Variants in MARCHF3 observed in about 807,000 individuals in gnomAD.
The protein encoded by MARCHF3 is membrane associated ring-CH-type finger 3, also known as E3 ubiquitin-protein ligase MARCHF3.
MARCHF3 carries 13 observed loss-of-function variants against 24.2 expected under a neutral mutation model. The observed-to-expected ratio is 0.54, with a 90% CI of 0.35 to 0.85. The LOEUF is 0.85. Ranked by LOEUF, MARCHF3 falls within the 40% of genes least tolerant of loss-of-function variation. The pLI is 0.01. For missense variants in MARCHF3, 276 were observed against 325.0 expected (o/e 0.85, Z 1.16); for synonymous variants, 144 against 137.3 (o/e 1.05, Z -0.34).
At chr5:126,921,659 A>C (rs1007647287) in intron 1 of MARCHF3, among the ~76,000 whole-genome samples, 9 of 152,240 alleles carry the variant, frequency 5.9e-5, no homozygotes, top group Non-Finnish European at 1.3e-4. Flanking sequence ...ATGCCAGTGC[A>C]CTGCTCTTGT....
intron 1 of MARCHF3, among the ~76,000 whole-genome samples, chr5:127,008,779 T>C (rs1226699820): frequency 6.6e-6 from 1 of 152,202 alleles, no homozygotes; most frequent in Non-Finnish European, 1.5e-5. Context: ...CCAAGTCATA[T>C]GGCAGGCAAC....
At chr5:126,960,213 A>G (rs768493298) in intron 1 of MARCHF3, among the ~76,000 whole-genome samples, 14 of 152,156 alleles carry the variant, frequency 9.2e-5, no homozygotes, top group Non-Finnish European at 1.3e-4. Flanking sequence ...CCATAAACTA[A>G]AAGTTGGCAT....
chr5:126,933,112 CAGGGACATACTAAAG>C (rs1235302124), intron 1 of MARCHF3, among the ~76,000 whole-genome samples: 1 of 152,150 alleles, frequency 6.6e-6, no homozygotes, highest in Admixed American at 6.5e-5. Flanking sequence ...TAAAACAAAA[CAGGGACATACTAAAG>C]TGGAAATTTA....
At chr5:126,997,307 C>G (rs1751980574) in intron 1 of MARCHF3, among the ~76,000 whole-genome samples, 1 of 151,998 alleles carries the variant, frequency 6.6e-6, no homozygotes, top group Non-Finnish European at 1.5e-5. Context: ...CATGGGAAAG[C>G]CAGGTAGTCA....
chr5:126,914,455 G>C lies in MARCHF3; in HGVS notation c.393+475C>G, dbSNP rs868226264. Among the ~76,000 whole-genome samples the C allele has an allele frequency of 2.0e-5, 3 of 152,036 alleles. No individual in the cohort carries two copies. In the South Asian group the frequency reaches 6.2e-4, roughly 32 times the overall value. On this transcript the variant is annotated intron_variant, in intron 3 of 4. Transcript: ENST00000308660. The stretch of plus-strand genomic sequence containing the variant: ...CAAAAGGTAAAGTAACAAACCCGAG[G>C]TCACAGAACCCAGGACATCTGGGTC...
At chr5:127,028,347 A>G (rs1458169916) in intron 1 of MARCHF3, among the ~76,000 whole-genome samples, 1 of 152,076 alleles carries the variant, frequency 6.6e-6, no homozygotes, top group African/African-American at 2.4e-5. Context: ...AAGCTATTAT[A>G]CTCCTCCCAT....
chr5:126,921,911 G>C (rs1319279920), intron 1 of MARCHF3, among the ~76,000 whole-genome samples: 1 of 152,108 alleles, frequency 6.6e-6, no homozygotes, highest in Non-Finnish European at 1.5e-5. Context: ...AGAGGGGGTG[G>C]GCAAATAAAT....
intron 1 of MARCHF3, among the ~76,000 whole-genome samples, chr5:127,003,052 C>T (rs1212235361): frequency 6.6e-6 from 1 of 151,866 alleles, no homozygotes; most frequent in Non-Finnish European, 1.5e-5. Context: ...TGTCATTTAT[C>T]TCATTAGCCC....
chr5:126,957,779 T>G (rs1750498791), intron 1 of MARCHF3, among the ~76,000 whole-genome samples: 1 of 152,134 alleles, frequency 6.6e-6, no homozygotes. Flanking sequence ...ACTCATCATT[T>G]CTGTTGTTTA....
At chr5:126,893,492 TTTG>T (rs949645720) in intron 3 of MARCHF3, among the ~76,000 whole-genome samples, 149 of 152,024 alleles carry the variant, frequency 9.8e-4, no homozygotes, top group African/African-American at 3.4e-3. Flanking sequence ...ATGTTGTGTC[TTTG>T]TTGTTGTTGG....
At chr5:126,936,057 C>G (rs1192269128) in intron 1 of MARCHF3, among the ~76,000 whole-genome samples, 4 of 152,042 alleles carry the variant, frequency 2.6e-5, no homozygotes, top group African/African-American at 9.6e-5. Context: ...ATCTATAATC[C>G]CTGCTACACA....
chr5:127,029,206 A>G (rs570084265), intron 1 of MARCHF3, among the ~76,000 whole-genome samples: 1 of 152,208 alleles, frequency 6.6e-6, no homozygotes, highest in South Asian at 2.1e-4. Flanking sequence ...TCACCTTTTA[A>G]TTTTATATAT....
At chr5:126,954,969 T>C (rs1432315742) in intron 1 of MARCHF3, among the ~76,000 whole-genome samples, 3 of 152,206 alleles carry the variant, frequency 2.0e-5, no homozygotes, top group Non-Finnish European at 4.4e-5. Flanking sequence ...TTACTACACA[T>C]AGGCATCTAT....
At chr5:126,993,177 A>G (rs1022196520) in intron 1 of MARCHF3, among the ~76,000 whole-genome samples, 10 of 152,186 alleles carry the variant, frequency 6.6e-5, no homozygotes, top group African/African-American at 2.2e-4. Flanking sequence ...CGTTGAGTAT[A>G]AAAGGTGCTG....
intron 1 of MARCHF3, among the ~76,000 whole-genome samples, chr5:126,996,422 C>T (rs1260937778): frequency 6.6e-6 from 1 of 152,038 alleles, no homozygotes; most frequent in Admixed American, 6.6e-5. Flanking sequence ...TATAGCTTCA[C>T]ATATTTAGTC....
At chr5:126,923,995 T>C (rs941194290) in intron 1 of MARCHF3, among the ~76,000 whole-genome samples, 1 of 152,072 alleles carries the variant, frequency 6.6e-6, no homozygotes, top group Non-Finnish European at 1.5e-5. Context: ...TTTCTGGTGG[T>C]GCAGGGTCCA....
chr5:127,011,436 A>G (rs919503899), intron 1 of MARCHF3, among the ~76,000 whole-genome samples: 6 of 152,214 alleles, frequency 3.9e-5, no homozygotes, highest in African/African-American at 1.2e-4. Context: ...CCAAGGCTCT[A>G]TCTTGGTCTG....
chr5:126,874,113 C>T (rs994383766), intron 4 of MARCHF3, among the ~76,000 whole-genome samples: 1 of 152,164 alleles, frequency 6.6e-6, no homozygotes, highest in African/African-American at 2.4e-5. Context: ...AAATACTGCT[C>T]CTTATGGGAT....
chr5:126,869,083 C>A lies in MARCHF3; in HGVS notation c.*1550G>T, dbSNP rs1320388100. 2 of 152,228 alleles carry A rather than the reference C, an allele frequency of 1.3e-5. No individual in the cohort carries two copies. Among genetic ancestry groups the A allele is most frequent in the Non-Finnish European group, 2.9e-5 (2 of 68,054 alleles). 9.4% of individuals were successfully genotyped at this position (152,228 alleles called of 1,614,324 possible). A position where few individuals can be genotyped will look rare whatever the true frequency, so the allele number is the denominator to read the frequency against. On this transcript the variant is annotated 3_prime_UTR_variant, in exon 5 of 5. Transcript: ENST00000308660. ...TTCCCTCCCCAGGCAGCGCTGGGAG[C>A]AGCCAGTGAATGGAGGGCTCGCCTA...
Sources: allele counts gnomAD v4.1 joint callset (sites outside exome capture counted in the v4.1 genomes callset), GRCh38; gene constraint gnomAD v4.1.1; transcripts MANE v1.5; gene names NCBI Gene and HGNC (gene_info 2026-07-23, HGNC 2026-07-21).